The following ZNF8 variants were observed in gnomAD, a reference collection of about 807,000 sequenced individuals.
ZNF8 encodes zinc finger protein 8.
A neutral mutation model predicts 12.2 loss-of-function variants in ZNF8; 9 were observed. The ratio of observed to expected loss-of-function variants is 0.73; its 90% CI spans 0.44 to 1.28. ZNF8 has a LOEUF of 1.28. Ranked by LOEUF, ZNF8 falls within the 50% of genes most tolerant of loss-of-function variation. The pLI, the probability that ZNF8 is intolerant of heterozygous loss-of-function variation, is 0.00. For synonymous variants in ZNF8, 274 were observed against 282.3 expected, an observed-to-expected ratio of 0.97 and a Z score of 0.30; for missense variants, 664 against 729.1, an observed-to-expected ratio of 0.91 and a Z score of 1.03.
chr19:58,291,189 G>A (rs2051417447), intron 3 of ZNF8, among the ~76,000 whole-genome samples: 1 of 152,146 alleles, frequency 6.6e-6, no homozygotes, highest in African/African-American at 2.4e-5. Flanking sequence ...TCCCTCTTGC[G>A]GTTGCTCAGC....
chr19:58,292,811 T>C (rs1415394849), intron 3 of ZNF8, among the ~76,000 whole-genome samples: 1 of 152,260 alleles, frequency 6.6e-6, no homozygotes, highest in Non-Finnish European at 1.5e-5. Flanking sequence ...ATTTTGTTTA[T>C]GCATTTGTTG....
chr19:58,302,018 T>A lies in ZNF8; in HGVS notation c.*6482T>A, dbSNP rs1410474035. The A allele has an allele frequency of 1.3e-5, 2 of 152,156 alleles. No homozygotes were observed. The highest frequency in any genetic ancestry group is 4.8e-5 in the African/African-American group (2 of 41,438). The allele number at this position is 152,156 out of a possible 1,614,324, so 9.4% of individuals were successfully genotyped here. On this transcript the variant is annotated 3_prime_UTR_variant, in exon 4 of 4. Transcript: ENST00000621650. ...TATGGTGGAATGGTGATCATAAAAA[T>A]TCATTAAAAATGAAGACTCTATATA...
intron 1 of ZNF8, among the ~76,000 whole-genome samples, chr19:58,282,193 G>GTA (rs769799902): frequency 2.0e-5 from 3 of 152,194 alleles, no homozygotes; most frequent in Non-Finnish European, 4.4e-5. Context: ...CACTGGTGGT[G>GTA]TATAGTTTTG....
Position 58,295,622 on chromosome 19 carries a change from G to T in ZNF8, c.*86G>T. On this transcript the variant is annotated 3_prime_UTR_variant, in exon 4 of 4. Coordinates refer to ENST00000621650, the MANE Select transcript of ZNF8 (RefSeq NM_021089.3). ...GTACTCATGGAAGGAGGGGCTGGGG[G>T]TAGAAATGTCATGGGTGACTTCTGA... 8.5e-7 allele frequency: 1 copy of T among 1,170,938 alleles called. No homozygotes were observed. The highest frequency in any genetic ancestry group is 1.2e-6 in the Non-Finnish European group (1 of 830,520). The allele number at this position is 1,170,938 out of a possible 1,614,324, so 72.5% of individuals were successfully genotyped here.
At chr19:58,290,099 T>C (rs1006904233) in intron 3 of ZNF8, among the ~76,000 whole-genome samples, 3 of 120,950 alleles carry the variant, frequency 2.5e-5, no homozygotes, top group Non-Finnish European at 5.1e-5. Flanking sequence ...CCTGGCCCAT[T>C]TCAAGATTCT....
In ZNF8 at chr19:58,279,848, C is replaced by A. The variant is rs775210526; in HGVS notation, c.66+701C>A. The stretch of plus-strand genomic sequence containing the variant: ...GTGGCAGGAAACAACAATAATTATC[C>A]TTCCTCAAGCTCTGCAACTTTGAAA... On this transcript the variant is annotated intron_variant, in intron 1 of 3. Coordinates refer to ENST00000621650, the MANE Select transcript of ZNF8 (RefSeq NM_021089.3). 576 of 1,321,600 alleles carry A rather than the reference C, an allele frequency of 4.4e-4. 1 individual carries two copies. Among genetic ancestry groups the A allele is most frequent in the Non-Finnish European group, 5.4e-4 (547 of 1,011,250 alleles). 81.9% of individuals were successfully genotyped at this position (1,321,600 alleles called of 1,614,324 possible). A position where few individuals can be genotyped will look rare whatever the true frequency, so the allele number is the denominator to read the frequency against.
At chr19:58,284,424 C>G (rs1201795731) in intron 1 of ZNF8, among the ~76,000 whole-genome samples, 4 of 152,198 alleles carry the variant, frequency 2.6e-5, no homozygotes, top group Non-Finnish European at 4.4e-5. Context: ...AGCAAAGATG[C>G]TTCTTGGGGA....
chr19:58,287,428 T>G (rs1336100030), intron 3 of ZNF8, among the ~76,000 whole-genome samples: 1 of 149,040 alleles, frequency 6.7e-6, no homozygotes, highest in East Asian at 2.0e-4. Flanking sequence ...AGCCTTCCTG[T>G]CACAAATGAT....
intron 1 of ZNF8, chr19:58,279,544 C>A (rs1179499039): frequency 5.3e-5 from 80 of 1,515,032 alleles, no homozygotes; most frequent in East Asian, 1.5e-4. Context: ...TGGCAAGAAT[C>A]ATCGAATAGA....
At chr19:58,285,977 C>A in intron 2 of ZNF8, 133 bp from the exon 3 acceptor site, 1 of 1,429,080 alleles carries the variant, frequency 7.0e-7, no homozygotes, top group Admixed American at 2.0e-5. Flanking sequence ...TGCCCTTTTC[C>A]ATCACCATGC....
intron 3 of ZNF8, among the ~76,000 whole-genome samples, chr19:58,290,405 C>T (rs867897358): frequency 5.9e-5 from 9 of 152,230 alleles, no homozygotes; most frequent in Middle Eastern, 3.4e-3. Flanking sequence ...TGAGCCACCG[C>T]GCCCGGCCAT....
At chr19:58,291,032 TATAAA>T (rs1432599818) in intron 3 of ZNF8, among the ~76,000 whole-genome samples, 4 of 152,116 alleles carry the variant, frequency 2.6e-5, no homozygotes, top group African/African-American at 7.2e-5. Flanking sequence ...TTATTTCAAA[TATAAA>T]ATAAAATAAT....
Position 58,300,505 on chromosome 19 carries a change from G to A in ZNF8, c.*4969G>A, listed in dbSNP as rs1416819351. On this transcript the variant is annotated 3_prime_UTR_variant, in exon 4 of 4. Transcript: ENST00000621650. Reference sequence around the variant, plus strand: ...GTCTCACTGGCCACAGATGGGTCAGGGGGCCACCCCTAATAACAACGGGGC... The same window carrying A: ...GTCTCACTGGCCACAGATGGGTCAGAGGGCCACCCCTAATAACAACGGGGC... 1.3e-5 allele frequency: 2 copies of A among 152,266 alleles called. No individual in the cohort carries two copies. Among genetic ancestry groups the A allele is most frequent in the South Asian group, 4.1e-4 (2 of 4,840 alleles). 9.4% of individuals were successfully genotyped at this position (152,266 alleles called of 1,614,324 possible). A position where few individuals can be genotyped will look rare whatever the true frequency, so the allele number is the denominator to read the frequency against.
chr19:58,279,193 T>A, intron 1 of ZNF8, 46 bp downstream of exon 1: 1 of 1,541,718 alleles, frequency 6.5e-7, no homozygotes, highest in Non-Finnish European at 8.7e-7. Context: ...CGGGCAAGCG[T>A]CTCCCGCGCA....
At chr19:58,293,186 G>C (rs575740766) in intron 3 of ZNF8, among the ~76,000 whole-genome samples, 2 of 152,244 alleles carry the variant, frequency 1.3e-5, no homozygotes, top group South Asian at 4.2e-4. Context: ...TGATCCTCCA[G>C]CCTCGGCTTC....
chr19:58,279,444 T>C (rs1436666980), intron 1 of ZNF8: 3 of 1,452,686 alleles, frequency 2.1e-6, no homozygotes, highest in Admixed American at 5.0e-5. Context: ...TGCGTTCTGC[T>C]CCGCCCCGCC....
intron 3 of ZNF8, among the ~76,000 whole-genome samples, chr19:58,292,376 C>T (rs1247587471): frequency 6.6e-6 from 1 of 152,166 alleles, no homozygotes; most frequent in Non-Finnish European, 1.5e-5. Flanking sequence ...AGAAGGCCGC[C>T]TTCTCTCTGT....
In ZNF8 at chr19:58,285,708, A is replaced by C; in HGVS notation, c.67-9A>C. On this transcript the variant is annotated splice_polypyrimidine_tract_variant and intron_variant, in intron 1 of 3. Transcript: ENST00000621650. ...GTCCAGCTGATTGAGAATGTGTGTG[A>C]TGTTTCAGGAACCAGTGACCTTCCG... 6.2e-7 allele frequency: 1 copy of C among 1,614,110 alleles called. No individual in the cohort carries two copies. Among genetic ancestry groups the C allele is most frequent in the Non-Finnish European group, 8.5e-7 (1 of 1,180,010 alleles).
Position 58,299,822 on chromosome 19 carries a change from T to C in ZNF8, c.*4286T>C, listed in dbSNP as rs956829898. The C allele has an allele frequency of 1.3e-5, 2 of 151,938 alleles. No individual in the cohort carries two copies. The highest frequency in any genetic ancestry group is 3.9e-4 in the East Asian group (2 of 5,152). The allele number at this position is 151,938 out of a possible 1,614,324, so 9.4% of individuals were successfully genotyped here. On this transcript the variant is annotated 3_prime_UTR_variant, in exon 4 of 4. Transcript: ENST00000621650. ...GTTTTTGCTTTTTGGATGCTGGGAG[T>C]GTCACAACTCAGCTATCCAATCAAG...
Sources: gnomAD v4.1 joint callset for allele counts (sites outside exome capture counted in the v4.1 genomes callset) on GRCh38, gnomAD v4.1.1 for gene constraint, MANE v1.5 for transcripts, NCBI Gene and HGNC (gene_info 2026-07-23, HGNC 2026-07-21) for gene names.